The following HTR4 variants were observed in gnomAD, a reference collection of about 807,000 sequenced individuals.
HTR4 encodes 5-hydroxytryptamine receptor 4, also known as 5-hydroxytryptamine (serotonin) receptor 4, G protein-coupled.
Under a neutral mutation model 36.8 loss-of-function variants are expected in HTR4, and 16 were observed. That is an observed-to-expected ratio of 0.43 (90% CI 0.29 to 0.66). The LOEUF (loss-of-function observed/expected upper bound fraction) is 0.66, where lower values mean the gene tolerates loss of function less well. Ranked by LOEUF, HTR4 falls within the 30% of genes least tolerant of loss-of-function variation. HTR4 has a pLI of 0.13. For synonymous variants in HTR4, 189 were observed against 185.1 expected, an observed-to-expected ratio of 1.02 and a Z score of -0.17; for missense variants, 438 against 490.9, an observed-to-expected ratio of 0.89 and a Z score of 1.02.
chr5:148,451,248 A>T, exon 6 of HTR4: 1 of 1,613,850 alleles, frequency 6.2e-7, no homozygotes, highest in Non-Finnish European at 8.5e-7. Flanking sequence ...GTTCCTGATG[A>T]TGTCCCCTGT....
intron 3 of HTR4, 71 bp downstream of exon 3, chr5:148,550,066 T>G (rs1193365823): frequency 4.0e-6 from 6 of 1,492,006 alleles, no homozygotes; most frequent in Non-Finnish European, 5.5e-6. Context: ...AATAGAAATG[T>G]TCACACCCAA....
intron 5 of HTR4, among the ~76,000 whole-genome samples, chr5:148,459,233 C>T (rs984018110): frequency 2.6e-5 from 4 of 151,916 alleles, no homozygotes; most frequent in Admixed American, 6.6e-5. Context: ...GATAAGAACT[C>T]GAGGGGGGAG....
chr5:148,623,206 C>T (rs1752976390), intron 2 of HTR4, among the ~76,000 whole-genome samples: 1 of 152,122 alleles, frequency 6.6e-6, no homozygotes, highest in Non-Finnish European at 1.5e-5. Context: ...TCCTAAACCA[C>T]AATTACCTGC....
At chr5:148,575,288 T>G (rs1760848610) in intron 2 of HTR4, among the ~76,000 whole-genome samples, 1 of 152,092 alleles carries the variant, frequency 6.6e-6, no homozygotes, top group African/African-American at 2.4e-5. Flanking sequence ...ACACTGAAGT[T>G]GCACATTGGC....
At chr5:148,602,427 C>T (rs1762031952) in intron 2 of HTR4, among the ~76,000 whole-genome samples, 1 of 152,086 alleles carries the variant, frequency 6.6e-6, no homozygotes, top group Non-Finnish European at 1.5e-5. Flanking sequence ...ATGTTTCAAA[C>T]TAGGTGATAA....
In HTR4 at chr5:148,615,351, T is replaced by TA. The variant is rs1259010415; in HGVS notation, c.26+21637dup. Among the ~76,000 whole-genome samples the TA allele has an allele frequency of 6.6e-3, 1,000 of 151,540 alleles. 10 individuals carry two copies. Among genetic ancestry groups the TA allele is most frequent in the African/African-American group, 0.023 (933 of 41,236 alleles). ...TACACCATGGAATACTATGCAGCCA[T>TA]AAAAAATGATGAGTTCATGTCCTTT... On this transcript the variant is annotated intron_variant, in intron 2 of 6. Coordinates refer to ENST00000377888, the MANE Select transcript of HTR4 (RefSeq NM_000870.7).
At chr5:148,610,042 C>T (rs1752354601) in intron 2 of HTR4, among the ~76,000 whole-genome samples, 2 of 152,164 alleles carry the variant, frequency 1.3e-5, no homozygotes, top group Non-Finnish European at 2.9e-5. Context: ...CCAGAAGGAT[C>T]ATTGGAAGCC....
At position 148,548,855 on chromosome 5, in the gene HTR4, T is replaced by G. The variant is rs1291849623; in HGVS notation, c.166A>C (p.Asn56His). ...WDRQLRKIKT[N>H]YFIVSLAFAD... ...AAAGCAAGAGATACAATGAAATAAT[T>G]TGTTTTTATTTTCCTGTGAGTGAAA... Residue 56 changes from asparagine (N) to histidine (H), a missense_variant, in exon 4 of 7, where the codon AAT (asparagine) becomes CAT (histidine). Asn to His is a moderately conservative substitution (Grantham distance 68). Coordinates refer to ENST00000377888, the MANE Select transcript of HTR4 (RefSeq NM_000870.7). The G allele has an allele frequency of 1.2e-6, 2 of 1,613,352 alleles. No individual in the cohort carries two copies. The highest frequency in any genetic ancestry group is 2.7e-5 in the African/African-American group (2 of 74,848).
At chr5:148,504,432 T>A (rs1325279089) in intron 6 of HTR4, among the ~76,000 whole-genome samples, 1 of 152,138 alleles carries the variant, frequency 6.6e-6, no homozygotes, top group African/African-American at 2.4e-5. Flanking sequence ...ATAAAGATAT[T>A]CTTTGAAACC....
At chr5:148,610,649 C>T (rs1278762645) in intron 2 of HTR4, among the ~76,000 whole-genome samples, 1 of 152,090 alleles carries the variant, frequency 6.6e-6, no homozygotes, top group Non-Finnish European at 1.5e-5. Context: ...CGCAGCTCCT[C>T]ACCAGCAACG....
chr5:148,483,837 T>C (rs1756010881), intron 6 of HTR4, among the ~76,000 whole-genome samples: 2 of 152,304 alleles, frequency 1.3e-5, no homozygotes, highest in African/African-American at 4.8e-5. Flanking sequence ...TAATAAGTTA[T>C]TGGCGTATAT....
At chr5:148,491,626 C>A (rs566717137) in intron 6 of HTR4, among the ~76,000 whole-genome samples, 2 of 152,218 alleles carry the variant, frequency 1.3e-5, no homozygotes, top group South Asian at 2.1e-4. Context: ...TTGTGACAAC[C>A]AAAAATGCCA....
chr5:148,640,515 C>T (rs867045392), intron 1 of HTR4, among the ~76,000 whole-genome samples: 3 of 152,190 alleles, frequency 2.0e-5, no homozygotes, highest in South Asian at 4.1e-4. Context: ...ATGGGAGGAG[C>T]TTGTCTGAGA....
chr5:148,625,515 C>T (rs1561657245), intron 2 of HTR4, among the ~76,000 whole-genome samples: 1 of 152,120 alleles, frequency 6.6e-6, no homozygotes, highest in Non-Finnish European at 1.5e-5. Context: ...TAATTAGAAG[C>T]ATCAATGTTC....
chr5:148,565,420 G>T (rs1056417156), intron 2 of HTR4, among the ~76,000 whole-genome samples: 1 of 152,066 alleles, frequency 6.6e-6, no homozygotes, highest in East Asian at 1.9e-4. Context: ...AGTTTTTCCA[G>T]ACACAACTGG....
chr5:148,619,311 A>G (rs1752823428), intron 2 of HTR4, among the ~76,000 whole-genome samples: 2 of 152,326 alleles, frequency 1.3e-5, no homozygotes, highest in Admixed American at 6.5e-5. Flanking sequence ...CTAATGAACT[A>G]CAATTAATGA....
intron 6 of HTR4, chr5:148,484,310 G>A (rs1461318708): frequency 1.9e-6 from 3 of 1,613,620 alleles, no homozygotes; most frequent in Admixed American, 3.3e-5. Context: ...ATGTGCCTGA[G>A]AATGGACCCG....
chr5:148,498,630 G>A (rs368640591), intron 6 of HTR4, among the ~76,000 whole-genome samples: 1 of 152,166 alleles, frequency 6.6e-6, no homozygotes, highest in East Asian at 1.9e-4. Context: ...CAGTATGAAT[G>A]TCATGAGAAA....
intron 5 of HTR4, among the ~76,000 whole-genome samples, chr5:148,453,430 T>G (rs1458403004): frequency 6.6e-6 from 1 of 152,258 alleles, no homozygotes; most frequent in Non-Finnish European, 1.5e-5. Context: ...TAGCAATATT[T>G]TATGTTAAAA....
Sources: allele counts gnomAD v4.1 joint callset (sites outside exome capture counted in the v4.1 genomes callset), GRCh38; gene constraint gnomAD v4.1.1; transcripts MANE v1.5; gene names NCBI Gene and HGNC (gene_info 2026-07-23, HGNC 2026-07-21).